EMILIN2: variants seen among roughly 807,000 people sequenced by gnomAD.
EMILIN2 encodes the protein elastin microfibril interfacer 2.
EMILIN2 carries 71 observed loss-of-function variants against 87.1 expected under a neutral mutation model. The ratio of observed to expected loss-of-function variants is 0.82; its 90% CI spans 0.67 to 0.99. EMILIN2 has a LOEUF of 0.99. Among genes scored for constraint, EMILIN2 ranks in the 50% least tolerant of loss-of-function variants. EMILIN2 has a pLI of 0.00. For missense variants in EMILIN2, 1,407 were observed against 1,371.8 expected (o/e 1.03, Z -0.40); for synonymous variants, 581 against 563.4 (o/e 1.03, Z -0.44).
intron 2 of EMILIN2, among the ~76,000 whole-genome samples, chr18:2,872,843 T>C (rs1428340677): frequency 6.6e-6 from 1 of 152,166 alleles, no homozygotes; most frequent in Non-Finnish European, 1.5e-5. Flanking sequence ...ATTATTTTAA[T>C]ATTAATTGTG....
At chr18:2,902,842 G>A (rs868300753) in intron 4 of EMILIN2, among the ~76,000 whole-genome samples, 8 of 152,242 alleles carry the variant, frequency 5.3e-5, no homozygotes, top group South Asian at 2.1e-4. Flanking sequence ...GAGCAGGAGG[G>A]GGAGACCAAA....
intron 4 of EMILIN2, among the ~76,000 whole-genome samples, chr18:2,895,579 C>T (rs141015896): frequency 1.6e-4 from 25 of 152,276 alleles, no homozygotes; most frequent in African/African-American, 3.6e-4. Context: ...ATTCAGCTTG[C>T]GGTTGACTGG....
At chr18:2,908,457 A>C (rs1452473472) in intron 5 of EMILIN2, among the ~76,000 whole-genome samples, 3 of 151,818 alleles carry the variant, frequency 2.0e-5, no homozygotes, top group Admixed American at 2.0e-4. Context: ...ACATCCTTCC[A>C]CACATCAAGC....
chr18:2,897,205 T>C (rs769414313), intron 4 of EMILIN2, among the ~76,000 whole-genome samples: 8 of 152,172 alleles, frequency 5.3e-5, no homozygotes, highest in East Asian at 1.9e-4. Flanking sequence ...TGAGAAACTA[T>C]TGAAGGATTT....
chr18:2,901,989 A>G (rs2076890025), intron 4 of EMILIN2, among the ~76,000 whole-genome samples: 1 of 152,200 alleles, frequency 6.6e-6, no homozygotes, highest in Non-Finnish European at 1.5e-5. Flanking sequence ...AGATCCACTG[A>G]GGATATCTGG....
rs1328260798 is a variant in EMILIN2, at chr18:2,847,377, G to A, written c.134+55G>A. ...ACCGCCTACCCCTCCCCGGCCCCCA[G>A]TTGAGCCCCAGAGCTGCCCTGCCAA... On this transcript the variant is annotated intron_variant, in intron 1 of 7. Coordinates refer to ENST00000254528, the MANE Select transcript of EMILIN2 (RefSeq NM_032048.3). The surrounding 1 kb of genome is among the most constrained non-coding windows in gnomAD (Gnocchi z 4.5). 1.6e-6 allele frequency: 2 copies of A among 1,263,238 alleles called. No homozygotes were observed. Among genetic ancestry groups the A allele is most frequent in the Non-Finnish European group, 2.0e-6 (2 of 1,001,780 alleles). 78.3% of individuals were successfully genotyped at this position (1,263,238 alleles called of 1,614,324 possible).
chr18:2,913,641 G>GTTTT lies in EMILIN2; in HGVS notation c.*237_*238insTTTT. On this transcript the variant is annotated 3_prime_UTR_variant, in exon 8 of 8. Transcript: ENST00000254528. Reference sequence around the variant, plus strand: ...TTCTGCCACTCTAACTGGACAACTGGAAGACTTGGAAAGGCCTCCACCTGT... The same window carrying GTTTT: ...TTCTGCCACTCTAACTGGACAACTGGTTTTAAGACTTGGAAAGGCCTCCACCTGT... The GTTTT allele has an allele frequency of 1.3e-4, 46 of 353,550 alleles. No individual in the cohort carries two copies. Among genetic ancestry groups the GTTTT allele is most frequent in the South Asian group, 9.7e-4 (9 of 9,248 alleles). 21.9% of individuals were successfully genotyped at this position (353,550 alleles called of 1,614,324 possible).
Position 2,890,938 on chromosome 18 carries a change from G to T in EMILIN2, c.811G>T (p.Asp271Tyr). The T allele has an allele frequency of 6.2e-7, 1 of 1,614,086 alleles. No homozygotes were observed. Among genetic ancestry groups the T allele is most frequent in the Non-Finnish European group, 8.5e-7 (1 of 1,180,020 alleles). ...CAAGTCTGAATTGGCTGAAGTCAAAGATACTCTAAAGAACAAAAGTGACAA... is the reference window on the plus strand; with the variant it reads ...CAAGTCTGAATTGGCTGAAGTCAAATATACTCTAAAGAACAAAAGTGACAA... Reference protein sequence around the residue: ...DIKSELAEVKDTLKNKSDKLE... With the variant: ...DIKSELAEVKYTLKNKSDKLE... The change falls in exon 4 of 8, where the codon GAT (aspartate) becomes TAT (tyrosine). Residue 271 changes from aspartate (D) to tyrosine (Y), a missense_variant. Coordinates refer to ENST00000254528, the MANE Select transcript of EMILIN2 (RefSeq NM_032048.3). The surrounding 1 kb of genome is among the most constrained non-coding windows in gnomAD (Gnocchi z 4.7).
intron 2 of EMILIN2, among the ~76,000 whole-genome samples, chr18:2,874,199 G>A (rs1169022749): frequency 6.6e-6 from 1 of 152,090 alleles, no homozygotes; most frequent in East Asian, 1.9e-4. Flanking sequence ...ATAATAGTAT[G>A]TATTAGTAGT....
At chr18:2,852,853 C>T (rs1340171126) in intron 2 of EMILIN2, among the ~76,000 whole-genome samples, 2 of 152,198 alleles carry the variant, frequency 1.3e-5, no homozygotes, top group African/African-American at 4.8e-5. Context: ...TAAAGATTCA[C>T]CATCACTTAG....
chr18:2,887,674 C>A (rs1414242632), intron 3 of EMILIN2, among the ~76,000 whole-genome samples: 1 of 152,178 alleles, frequency 6.6e-6, no homozygotes, highest in Non-Finnish European at 1.5e-5. Flanking sequence ...TCTTGTACAG[C>A]CTACAAAACT....
intron 4 of EMILIN2, 95 bp from the exon 5 acceptor site, chr18:2,906,688 C>T: frequency 9.7e-7 from 1 of 1,028,202 alleles, no homozygotes; most frequent in Non-Finnish European, 1.2e-6. Flanking sequence ...TCACGGGGAC[C>T]CCGCTCGCCG....
At chr18:2,889,687 C>CTTTTCT (rs1162548434) in intron 3 of EMILIN2, among the ~76,000 whole-genome samples, 2 of 101,802 alleles carry the variant, frequency 2.0e-5, no homozygotes, top group Admixed American at 2.1e-4. Context: ...TTCTTTTTTT[C>CTTTTCT]TTTTCTTTTT....
intron 2 of EMILIN2, among the ~76,000 whole-genome samples, chr18:2,878,602 A>G (rs1349733360): frequency 6.6e-6 from 1 of 152,202 alleles, no homozygotes; most frequent in Non-Finnish European, 1.5e-5. Flanking sequence ...AACTTAGTGC[A>G]GTAGCGGATT....
At chr18:2,865,601 G>A (rs1386601382) in intron 2 of EMILIN2, among the ~76,000 whole-genome samples, 1 of 152,214 alleles carries the variant, frequency 6.6e-6, no homozygotes, top group African/African-American at 2.4e-5. Flanking sequence ...CTGGCCATGT[G>A]AGGTGTGAGT....
In EMILIN2 at chr18:2,890,881, T is replaced by G; in HGVS notation, c.754T>G (p.Phe252Val). The change falls in exon 4 of 8, where the codon TTC becomes GTC. Residue 252 changes from phenylalanine (F) to valine (V), a missense_variant. Coordinates refer to ENST00000254528, the MANE Select transcript of EMILIN2 (RefSeq NM_032048.3). This position sits in a 1 kb window ranked among gnomAD's most constrained non-coding sequence, Gnocchi z 4.7. ...DTETGQSPGVFNTKESGMKDI... is the reference protein window; with the variant it reads ...DTETGQSPGVVNTKESGMKDI... ...AGAAACGGGCCAGAGTCCTGGTGTC[T>G]TCAACACTAAGGAATCTGGCATGAA... 6.2e-7 allele frequency: 1 copy of G among 1,613,868 alleles called. No individual in the cohort carries two copies. Among genetic ancestry groups the G allele is most frequent in the African/African-American group, 1.3e-5 (1 of 75,028 alleles).
intron 7 of EMILIN2, among the ~76,000 whole-genome samples, chr18:2,912,032 C>CTTTTT (rs35260656): frequency 8.2e-5 from 6 of 73,150 alleles, no homozygotes; most frequent in Admixed American, 1.6e-4. Flanking sequence ...CTGACAACCA[C>CTTTTT]TTTTTTTTTT....
Position 2,890,051 on chromosome 18 carries a change from AATATGATATC to A in EMILIN2, c.434-498_434-489del, listed in dbSNP as rs745457955. ...CACTGCTTTGAGGATAACATCAGAA[AATATGATATC>A]ATATGATATCACCATCCAACAGCTA... is the stretch of plus-strand genomic sequence containing the variant. On this transcript the variant is annotated intron_variant, in intron 3 of 7. Coordinates refer to ENST00000254528, the MANE Select transcript of EMILIN2 (RefSeq NM_032048.3). The surrounding 1 kb of genome is among the most constrained non-coding windows in gnomAD (Gnocchi z 4.7). Among the ~76,000 whole-genome samples the A allele has an allele frequency of 2.6e-5, 4 of 152,176 alleles. No individual in the cohort carries two copies. Among genetic ancestry groups the A allele is most frequent in the African/African-American group, 9.7e-5 (4 of 41,446 alleles).
At chr18:2,858,561 A>ATGTG (rs2076641776) in intron 2 of EMILIN2, among the ~76,000 whole-genome samples, 1 of 67,412 alleles carries the variant, frequency 1.5e-5, no homozygotes, top group African/African-American at 1.2e-4. Flanking sequence ...ATATATATAT[A>ATGTG]TATATATATG....
Sources: allele counts gnomAD v4.1 joint callset (sites outside exome capture counted in the v4.1 genomes callset), GRCh38; gene constraint gnomAD v4.1.1; non-coding constraint Gnocchi (gnomAD v3.1); transcripts MANE v1.5; gene names NCBI Gene and HGNC (gene_info 2026-07-23, HGNC 2026-07-21).